Variants in SEC22A observed in about 807,000 individuals in gnomAD.
The protein encoded by SEC22A is vesicle-trafficking protein SEC22a.
SEC22A carries 22 observed loss-of-function variants against 35.3 expected under a neutral mutation model. The ratio of observed to expected loss-of-function variants is 0.62; its 90% CI spans 0.45 to 0.89. SEC22A has a LOEUF of 0.89. SEC22A is among the 40% of genes least tolerant of loss of function. SEC22A has a pLI of 0.00. For missense variants in SEC22A, 354 were observed against 362.5 expected (o/e 0.98, Z 0.19); for synonymous variants, 119 against 129.5 (o/e 0.92, Z 0.55).
At chr3:123,229,747 A>C (rs1174884087) in intron 4 of SEC22A, among the ~76,000 whole-genome samples, 1 of 152,130 alleles carries the variant, frequency 6.6e-6, no homozygotes, top group Non-Finnish European at 1.5e-5. Context: ...CTGTAATCCC[A>C]GCTACTCAGG....
At chr3:123,259,385 G>A in intron 5 of SEC22A, 139 bp from the exon 6 acceptor site, 1 of 619,542 alleles carries the variant, frequency 1.6e-6, no homozygotes. Context: ...TTTCATTTTA[G>A]GACTCTTGAG....
At chr3:123,222,038 G>A (rs1477741907) in intron 2 of SEC22A, among the ~76,000 whole-genome samples, 1 of 151,912 alleles carries the variant, frequency 6.6e-6, no homozygotes. Flanking sequence ...ATCAGCCTCA[G>A]TAAATTTAAT....
chr3:123,237,152 T>C (rs1174890262), intron 4 of SEC22A, among the ~76,000 whole-genome samples: 1 of 152,236 alleles, frequency 6.6e-6, no homozygotes, highest in Non-Finnish European at 1.5e-5. Flanking sequence ...AAATAGATGG[T>C]GGGCTAAATT....
At chr3:123,266,813 C>G (rs1306137685) in intron 6 of SEC22A, among the ~76,000 whole-genome samples, 1 of 152,078 alleles carries the variant, frequency 6.6e-6, no homozygotes, top group African/African-American at 2.4e-5. Context: ...TTGTCAAGTT[C>G]TGTATTCTTG....
intron 4 of SEC22A, among the ~76,000 whole-genome samples, chr3:123,242,424 T>G (rs1937532373): frequency 6.6e-6 from 1 of 152,172 alleles, no homozygotes; most frequent in Non-Finnish European, 1.5e-5. Context: ...TTTTCCCCCT[T>G]TTGTTTGCCA....
At chr3:123,221,060 T>A (rs1319476084) in intron 2 of SEC22A, among the ~76,000 whole-genome samples, 1 of 151,848 alleles carries the variant, frequency 6.6e-6, no homozygotes, top group South Asian at 2.1e-4. Context: ...TTTTTCATTC[T>A]TGTTAAATTT....
intron 6 of SEC22A, among the ~76,000 whole-genome samples, chr3:123,269,527 C>A (rs1938109594): frequency 6.6e-6 from 1 of 151,846 alleles, no homozygotes; most frequent in Admixed American, 6.6e-5. Flanking sequence ...AATTGTATAA[C>A]CTCATTTCAA....
chr3:123,218,993 T>C (rs1252049570), intron 2 of SEC22A, among the ~76,000 whole-genome samples: 1 of 152,182 alleles, frequency 6.6e-6, no homozygotes, highest in African/African-American at 2.4e-5. Context: ...GGTTAGTTTG[T>C]GAAGAAAACT....
chr3:123,246,074 A>G lies in SEC22A; in HGVS notation c.657+60A>G, dbSNP rs964925427. 2.1e-5 allele frequency: 17 copies of G among 816,498 alleles called. No homozygotes were observed. The Admixed American group carries it at 3.3e-4, about 16-fold the overall frequency. The allele number at this position is 816,498 out of a possible 1,614,324, so 50.6% of individuals were successfully genotyped here. ...GCCTCTTCATTCTACTGGTTACATA[A>G]TTGATTTGAATTGGATTGGGTATTA... On this transcript the variant is annotated intron_variant, in intron 5 of 6. Coordinates refer to ENST00000492595, the MANE Select transcript of SEC22A (RefSeq NM_012430.5).
chr3:123,236,714 C>G (rs1576494269), intron 4 of SEC22A, among the ~76,000 whole-genome samples: 1 of 152,156 alleles, frequency 6.6e-6, no homozygotes, highest in Non-Finnish European at 1.5e-5. Context: ...CAAATTATGT[C>G]TACAACAAGA....
intron 6 of SEC22A, among the ~76,000 whole-genome samples, chr3:123,269,996 A>G (rs1194350131): frequency 6.6e-6 from 1 of 152,164 alleles, no homozygotes; most frequent in Non-Finnish European, 1.5e-5. Context: ...CAATTAATGC[A>G]ATACAGAATC....
chr3:123,255,627 T>G (rs1184267152), intron 5 of SEC22A, among the ~76,000 whole-genome samples: 3 of 152,196 alleles, frequency 2.0e-5, no homozygotes, highest in Admixed American at 6.5e-5. Flanking sequence ...TATATAGGTA[T>G]TTATATATTT....
At chr3:123,247,648 T>C (rs1217302390) in intron 5 of SEC22A, among the ~76,000 whole-genome samples, 1 of 152,230 alleles carries the variant, frequency 6.6e-6, no homozygotes, top group Non-Finnish European at 1.5e-5. Flanking sequence ...TGATCAGTAA[T>C]GTCTCTGGCT....
chr3:123,203,245 G>A (rs978695970), intron 1 of SEC22A, among the ~76,000 whole-genome samples: 7 of 150,364 alleles, frequency 4.7e-5, no homozygotes, highest in African/African-American at 1.5e-4. Context: ...ACTCGTTTAG[G>A]GATTAAAAAA....
chr3:123,223,220 A>G (rs1476648413), intron 2 of SEC22A, among the ~76,000 whole-genome samples: 2 of 152,328 alleles, frequency 1.3e-5, no homozygotes, highest in South Asian at 2.1e-4. Flanking sequence ...AAAAGTGGAA[A>G]ACATATTGAA....
rs768632571 is a variant in SEC22A at position 123,271,656 on chromosome 3, AGCATTTGTTACACTAC to A, written c.859_874del (p.Ala287ArgfsTer4). 8 of 1,614,146 alleles carry A rather than the reference AGCATTTGTTACACTAC, an allele frequency of 5.0e-6. No homozygotes were observed. In the Admixed American group the frequency reaches 1.3e-4, roughly 27 times the overall value. On this transcript the variant is annotated frameshift_variant, in exon 7 of 7. Transcript: ENST00000492595. LOFTEE classifies it high-confidence loss of function. ...AGCTTTTCTTTCATGTGACTGTGGGAGCATTTGTTACACTACAGATCTGGCTAAGGCAAGCCCAGGG... is the reference window on the plus strand; with the variant it reads ...AGCTTTTCTTTCATGTGACTGTGGGAAGATCTGGCTAAGGCAAGCCCAGGG...
chr3:123,268,688 C>A (rs1164671948), intron 6 of SEC22A, among the ~76,000 whole-genome samples: 2 of 152,160 alleles, frequency 1.3e-5, no homozygotes, highest in African/African-American at 4.8e-5. Flanking sequence ...CATATCACAT[C>A]TAAGAATTTA....
At chr3:123,216,372 C>G (rs551394932) in intron 2 of SEC22A, among the ~76,000 whole-genome samples, 1 of 152,242 alleles carries the variant, frequency 6.6e-6, no homozygotes, top group East Asian at 1.9e-4. Context: ...CAAAGGCAAA[C>G]TTTGCTTGTT....
chr3:123,250,447 T>C (rs1937602326), intron 5 of SEC22A, among the ~76,000 whole-genome samples: 1 of 151,950 alleles, frequency 6.6e-6, no homozygotes, highest in African/African-American at 2.4e-5. Context: ...GGAGGAAAAC[T>C]GGAAAGGGAG....
Sources: allele counts gnomAD v4.1 joint callset (sites outside exome capture counted in the v4.1 genomes callset), GRCh38; gene constraint gnomAD v4.1.1; transcripts MANE v1.5; gene names NCBI Gene and HGNC (gene_info 2026-07-23, HGNC 2026-07-21).